Variants in TCF12 observed in about 807,000 individuals in gnomAD.
The protein encoded by TCF12 is DNA-binding protein HTF4.
Under a neutral mutation model 86.0 loss-of-function variants are expected in TCF12, and 45 were observed. That is an observed-to-expected ratio of 0.52 (90% CI 0.41 to 0.67). The LOEUF (loss-of-function observed/expected upper bound fraction) is 0.67. Among genes scored for constraint, TCF12 ranks in the 30% least tolerant of loss-of-function variants. TCF12 has a pLI of 0.00. For synonymous variants in TCF12, 330 were observed against 299.6 expected, an observed-to-expected ratio of 1.10 and a Z score of -1.05; for missense variants, 881 against 859.9, an observed-to-expected ratio of 1.02 and a Z score of -0.31.
intron 3 of TCF12, among the ~76,000 whole-genome samples, chr15:56,966,750 G>T (rs1200242069): frequency 1.3e-5 from 2 of 152,100 alleles, no homozygotes; most frequent in Non-Finnish European, 2.9e-5. Context: ...TATATTAAAT[G>T]TGTTTGAACC....
chr15:56,965,156 G>A (rs1215709066), intron 3 of TCF12, among the ~76,000 whole-genome samples: 1 of 152,084 alleles, frequency 6.6e-6, no homozygotes, highest in African/African-American at 2.4e-5. Context: ...TTGAGAATGG[G>A]ACATATAGTA....
In TCF12 at chr15:57,197,823, T is replaced by G; in HGVS notation, c.577T>G (p.Ser193Ala). ...AAAGGTGCCTCCTGGTTTGCCTTCT[T>G]CTGTAAGTACCTATCTTTTTTTAAC... ...VRKVPPGLPS[S>A]VYAPSPNSDD... Residue 193 changes from serine (S) to alanine (A), a missense_variant and splice_region_variant, in exon 8 of 21, where the codon TCT (serine) becomes GCT (alanine). Physicochemically the swap from Ser to Ala is moderately conservative, Grantham distance 99. This residue lies in a region of TCF12 where 766 missense variants were observed against 718.9 expected (regional missense o/e 1.07). Coordinates refer to ENST00000333725, the MANE Select transcript of TCF12 (RefSeq NM_207037.2). The G allele has an allele frequency of 6.2e-7, 1 of 1,614,022 alleles. No individual in the cohort carries two copies.
intron 3 of TCF12, among the ~76,000 whole-genome samples, chr15:57,016,891 G>C (rs2065182640): frequency 6.6e-6 from 1 of 152,152 alleles, no homozygotes; most frequent in South Asian, 2.1e-4. Context: ...CATACTTACT[G>C]TGCATTATAG....
chr15:57,256,692 T>C (rs2060364917), intron 16 of TCF12, among the ~76,000 whole-genome samples: 1 of 152,158 alleles, frequency 6.6e-6, no homozygotes, highest in Admixed American at 6.6e-5. Flanking sequence ...TACAAAGTGA[T>C]CACAGAAATA....
intron 5 of TCF12, among the ~76,000 whole-genome samples, chr15:57,130,417 T>C (rs1403446682): frequency 1.3e-5 from 2 of 152,342 alleles, no homozygotes; most frequent in African/African-American, 4.8e-5. Flanking sequence ...TTTTGTTTTT[T>C]AACTTCACAC....
intron 5 of TCF12, among the ~76,000 whole-genome samples, chr15:57,122,098 C>CAAA (rs1159877371): frequency 2.4e-4 from 24 of 99,130 alleles, no homozygotes; most frequent in Admixed American, 5.9e-4. Flanking sequence ...TTTCCTTGTA[C>CAAA]AAAAAAAAAA....
At chr15:56,921,813 A>C (rs1323740582) in intron 3 of TCF12, among the ~76,000 whole-genome samples, 1 of 152,008 alleles carries the variant, frequency 6.6e-6, no homozygotes, top group Non-Finnish European at 1.5e-5. Flanking sequence ...GTGAGAATAA[A>C]ACATCAGAAA....
intron 8 of TCF12, among the ~76,000 whole-genome samples, chr15:57,211,734 G>A (rs764229180): frequency 3.9e-5 from 6 of 152,172 alleles, no homozygotes; most frequent in Non-Finnish European, 4.4e-5. Flanking sequence ...CTGGCAGATC[G>A]CTTGAGGCCA....
intron 3 of TCF12, among the ~76,000 whole-genome samples, chr15:56,935,173 G>T (rs1276974698): frequency 6.6e-6 from 1 of 152,134 alleles, no homozygotes; most frequent in South Asian, 2.1e-4. Flanking sequence ...TTTGCTACTG[G>T]ACATTGCAGT....
chr15:57,222,758 A>ATTTTTTTTTT (rs57645813), intron 8 of TCF12, among the ~76,000 whole-genome samples: 3 of 45,530 alleles, frequency 6.6e-5, no homozygotes, highest in Non-Finnish European at 1.1e-4. Context: ...AAGGACTGCC[A>ATTTTTTTTTT]TTTTTTTTTT....
intron 3 of TCF12, among the ~76,000 whole-genome samples, chr15:57,043,237 C>A (rs2099484249): frequency 6.6e-6 from 1 of 152,110 alleles, no homozygotes; most frequent in Non-Finnish European, 1.5e-5. Flanking sequence ...ATTCATATTT[C>A]AATAAACATG....
At chr15:56,957,075 T>G (rs1387546606) in intron 3 of TCF12, among the ~76,000 whole-genome samples, 1 of 152,234 alleles carries the variant, frequency 6.6e-6, no homozygotes, top group Non-Finnish European at 1.5e-5. Context: ...TCTGTTGTCC[T>G]CTTTTTGCCT....
intron 6 of TCF12, among the ~76,000 whole-genome samples, chr15:57,172,892 G>A (rs1168937812): frequency 1.3e-5 from 2 of 151,682 alleles, no homozygotes; most frequent in Non-Finnish European, 1.5e-5. Context: ...CTTGAGCCCA[G>A]GAGTTCAAGA....
intron 6 of TCF12, among the ~76,000 whole-genome samples, chr15:57,167,534 C>T (rs182064873): frequency 1.3e-5 from 2 of 151,386 alleles, no homozygotes; most frequent in Admixed American, 1.3e-4. Context: ...GCTCTCCAAC[C>T]AGGGTGACAG....
rs11336613 is a variant in TCF12, at chr15:57,104,861, G to GTTTT, written c.325+12991_325+12994dup. ...ATCTATCTTGCTGGTCTTTGGTGGT[G>GTTTT]TTTTTTTTTTTTTTTTTTTTTTTTG... On this transcript the variant is annotated intron_variant, in intron 5 of 20. Coordinates refer to ENST00000333725, the MANE Select transcript of TCF12 (RefSeq NM_207037.2). Among the ~76,000 whole-genome samples, 446 of 71,518 alleles carry GTTTT rather than the reference G, an allele frequency of 6.2e-3. 10 individuals carry two copies. The highest frequency in any genetic ancestry group is 0.01 in the East Asian group (21 of 2,020). The allele number at this position is 71,518 out of a possible 152,430, so 46.9% of individuals were successfully genotyped here.
At chr15:57,067,854 G>A (rs1289437084) in intron 4 of TCF12, among the ~76,000 whole-genome samples, 1 of 152,194 alleles carries the variant, frequency 6.6e-6, no homozygotes, top group Non-Finnish European at 1.5e-5. Context: ...ACCTGAGACT[G>A]AAAGGAGTGA....
chr15:57,213,430 AAGT>A (rs1441672478), intron 8 of TCF12, among the ~76,000 whole-genome samples: 2 of 152,192 alleles, frequency 1.3e-5, no homozygotes, highest in Admixed American at 6.5e-5. Flanking sequence ...TAGAGGCAAG[AAGT>A]ATTAAAAAAT....
intron 8 of TCF12, chr15:57,219,363 C>T: frequency 1.6e-6 from 2 of 1,287,426 alleles, no homozygotes; most frequent in Non-Finnish European, 2.0e-6. Context: ...CCTCTGTGCT[C>T]TGTGAGTTGG....
At chr15:57,144,479 A>T (rs2053217599) in intron 5 of TCF12, among the ~76,000 whole-genome samples, 1 of 152,206 alleles carries the variant, frequency 6.6e-6, no homozygotes, top group Non-Finnish European at 1.5e-5. Context: ...TAATTACATA[A>T]ATTACTTAGA....
Sources: gnomAD v4.1 joint callset for allele counts (sites outside exome capture counted in the v4.1 genomes callset) on GRCh38, gnomAD v4.1.1 for gene constraint, gnomAD v4.1.1 regional missense constraint, MANE v1.5 for transcripts, NCBI Gene and HGNC (gene_info 2026-07-23, HGNC 2026-07-21) for gene names.